Variants in RFFL observed in about 807,000 individuals in gnomAD.
RFFL encodes E3 ubiquitin-protein ligase rififylin.
RFFL carries 16 observed loss-of-function variants against 40.4 expected under a neutral mutation model. That is an observed-to-expected ratio of 0.40 (90% CI 0.27 to 0.60). The LOEUF is 0.60. Ranked by LOEUF, RFFL falls within the 20% of genes least tolerant of loss-of-function variation. The pLI is 0.47. For synonymous variants in RFFL, 154 were observed against 167.9 expected, an observed-to-expected ratio of 0.92 and a Z score of 0.64; for missense variants, 367 against 451.7, an observed-to-expected ratio of 0.81 and a Z score of 1.70.
chr17:35,040,419 T>C (rs2091156029), intron 1 of RFFL, among the ~76,000 whole-genome samples: 1 of 151,882 alleles, frequency 6.6e-6, no homozygotes. Context: ...CTGGCCAACA[T>C]GGTGAAACCC....
intron 1 of RFFL, among the ~76,000 whole-genome samples, chr17:35,033,282 A>C (rs1012858706): frequency 5.3e-5 from 8 of 152,016 alleles, no homozygotes; most frequent in Non-Finnish European, 1.2e-4. Flanking sequence ...TAATCCCAGC[A>C]CTTTGGGAGG....
At chr17:35,067,774 A>G (rs541968171), upstream of RFFL, among the ~76,000 whole-genome samples, 1 of 152,168 alleles carries the variant, frequency 6.6e-6, no homozygotes, top group Admixed American at 6.5e-5. Flanking sequence ...ATTCTGATAC[A>G]GATGGGCCTT....
At chr17:35,050,927 G>A (rs1442617935) in intron 1 of RFFL, among the ~76,000 whole-genome samples, 2 of 152,082 alleles carry the variant, frequency 1.3e-5, no homozygotes, top group African/African-American at 4.8e-5. Context: ...AGCCAAGATC[G>A]TGCCATTGCA....
intron 1 of RFFL, among the ~76,000 whole-genome samples, chr17:35,036,808 C>T (rs1388935006): frequency 6.6e-6 from 1 of 152,154 alleles, no homozygotes; most frequent in Non-Finnish European, 1.5e-5. Context: ...GTCCTAGATT[C>T]CTAAGTAGTT....
rs563194753 is a variant in RFFL, at chr17:35,080,383, G to C, written c.-9+8722C>G. 2.6e-3 allele frequency among the ~76,000 whole-genome samples: 390 copies of C among 152,242 alleles called. 1 individual carries two copies. Among genetic ancestry groups the C allele is most frequent in the South Asian group, 4.6e-3 (22 of 4,826 alleles). ...CATGGGAGGATTAGCAGAAAATGCA[G>C]AGGGTAGGGCACATAGTTTTTTGTA... On this transcript the variant is annotated intron_variant, in intron 1 of 6. Coordinates refer to the RFFL transcript ENST00000315249.
intron 1 of RFFL, among the ~76,000 whole-genome samples, chr17:35,045,316 T>A (rs1167491504): frequency 6.6e-6 from 1 of 151,914 alleles, no homozygotes; most frequent in African/African-American, 2.4e-5. Context: ...CACTGCAACC[T>A]CCACCTCCCA....
chr17:35,028,707 AG>A (rs1197965366), intron 1 of RFFL, among the ~76,000 whole-genome samples: 3 of 152,128 alleles, frequency 2.0e-5, no homozygotes, highest in Non-Finnish European at 2.9e-5. Flanking sequence ...ATAAGCTAGA[AG>A]GAACTAAGAA....
At chr17:35,017,178 TC>T (rs1190492228) in intron 4 of RFFL, among the ~76,000 whole-genome samples, 1 of 151,948 alleles carries the variant, frequency 6.6e-6, no homozygotes, top group African/African-American at 2.4e-5. Flanking sequence ...CTGACCTCCT[TC>T]CCTTGACAAT....
rs12709494 is a variant in RFFL, at chr17:35,045,604, G to A, written c.-9+17972C>T. 3.6e-3 allele frequency among the ~76,000 whole-genome samples: 550 copies of A among 152,080 alleles called. 4 individuals are homozygous for A. The highest frequency in any genetic ancestry group is 0.013 in the African/African-American group (533 of 41,456). ...GAAAGTGAAACAGGAAACAAGAGTA[G>A]GTCTATTTCACAGCTTTATTCTCAG... is the stretch of plus-strand genomic sequence containing the variant. On this transcript the variant is annotated intron_variant, in intron 1 of 6. Coordinates refer to ENST00000394597, the MANE Select transcript of RFFL (RefSeq NM_001017368.2).
intron 2 of RFFL, among the ~76,000 whole-genome samples, chr17:35,023,942 C>G (rs1210712702): frequency 6.6e-6 from 1 of 152,034 alleles, no homozygotes; most frequent in African/African-American, 2.4e-5. Flanking sequence ...CAGAAGAAAA[C>G]AAGAAGAAAG....
chr17:35,039,302 C>A (rs1419212884), intron 1 of RFFL, among the ~76,000 whole-genome samples: 1 of 152,224 alleles, frequency 6.6e-6, no homozygotes, highest in Non-Finnish European at 1.5e-5. Context: ...TCACTGCAAC[C>A]TCCGCCTGCT....
At chr17:35,075,529 T>C (rs1597843232) in intron 1 of RFFL, among the ~76,000 whole-genome samples, 1 of 152,344 alleles carries the variant, frequency 6.6e-6, no homozygotes, top group South Asian at 2.1e-4. Context: ...TTGTGAACAA[T>C]TGAAACTTTC....
chr17:35,049,647 C>G (rs2091220297), intron 1 of RFFL, among the ~76,000 whole-genome samples: 1 of 152,168 alleles, frequency 6.6e-6, no homozygotes, highest in Non-Finnish European at 1.5e-5. Context: ...TTAGATGCAG[C>G]CTCCAGTACT....
chr17:35,012,216 G>A, intron 6 of RFFL, 67 bp from the exon 7 acceptor site: 1 of 1,389,098 alleles, frequency 7.2e-7, no homozygotes, highest in Non-Finnish European at 9.9e-7. Flanking sequence ...AGTGTATAGG[G>A]GTGACTGGGG....
intron 4 of RFFL, 114 bp downstream of exon 4, chr17:35,017,409 C>T (rs1259474481): frequency 1.3e-5 from 9 of 707,558 alleles, no homozygotes; most frequent in East Asian, 1.1e-4. Context: ...AATATAATTT[C>T]GGAAGCACTA....
chr17:35,048,206 T>C (rs1044348097), intron 1 of RFFL, among the ~76,000 whole-genome samples: 14 of 150,766 alleles, frequency 9.3e-5, no homozygotes, highest in African/African-American at 3.4e-4. Flanking sequence ...ATCAAGACCA[T>C]CCTGGCTAAC....
chr17:35,072,981 T>G (rs1192516270), intron 1 of RFFL, among the ~76,000 whole-genome samples: 4 of 149,592 alleles, frequency 2.7e-5, no homozygotes, highest in Non-Finnish European at 4.4e-5. Context: ...AGGCAGAGGT[T>G]GCAGTGAGCT....
intron 3 of RFFL, among the ~76,000 whole-genome samples, chr17:35,019,850 G>T (rs1017166117): frequency 6.6e-6 from 1 of 152,250 alleles, no homozygotes; most frequent in Non-Finnish European, 1.5e-5. Flanking sequence ...AGAAAAACAT[G>T]TTCAGGCCAA....
At chr17:35,081,511 A>G (rs1448654815) in intron 1 of RFFL, among the ~76,000 whole-genome samples, 1 of 152,218 alleles carries the variant, frequency 6.6e-6, no homozygotes, top group Non-Finnish European at 1.5e-5. Context: ...AGTTTCCAAA[A>G]ATGGCACACA....
Sources: gnomAD v4.1 joint callset for allele counts (sites outside exome capture counted in the v4.1 genomes callset) on GRCh38, gnomAD v4.1.1 for gene constraint, MANE v1.5 for transcripts, NCBI Gene and HGNC (gene_info 2026-07-23, HGNC 2026-07-21) for gene names.